The following TEKT4 variants were observed in gnomAD, a reference collection of about 807,000 sequenced individuals.
The protein encoded by TEKT4 is tektin-4.
TEKT4 carries 46 observed loss-of-function variants against 46.0 expected under a neutral mutation model. That is an observed-to-expected ratio of 1.00 (90% CI 0.79 to 1.28). The LOEUF is 1.28. TEKT4 is among the 50% of genes most tolerant of loss of function. TEKT4 has a pLI of 0.00. For synonymous variants in TEKT4, 325 were observed against 265.8 expected (o/e 1.22, Z -2.17); for missense variants, 790 against 622.9 (o/e 1.27, Z -2.85).
Position 94,876,800 on chromosome 2 carries a change from C to T in TEKT4, c.*31C>T. On this transcript the variant is annotated 3_prime_UTR_variant, in exon 6 of 6. Coordinates refer to ENST00000295201, the MANE Select transcript of TEKT4 (RefSeq NM_144705.4). ...GGCACGGTGCTTCCCCCCAGTCCCC[C>T]AAATAAACAGCGCGTTAGCTTTCTG... The T allele has an allele frequency of 6.3e-7, 1 of 1,586,218 alleles. No individual in the cohort carries two copies. The highest frequency in any genetic ancestry group is 8.6e-7 in the Non-Finnish European group (1 of 1,168,054).
intron 5 of TEKT4, 26 bp from the exon 6 acceptor site, chr2:94,876,527 G>A (rs112581378): frequency 2.3e-5 from 36 of 1,581,378 alleles, no homozygotes; most frequent in Non-Finnish European, 2.8e-5. Flanking sequence ...CCCTAGCCCC[G>A]GCTCACACCC....
chr2:94,874,243 C>A (rs1680719950), intron 3 of TEKT4, 135 bp downstream of exon 3: 2 of 953,854 alleles, frequency 2.1e-6, no homozygotes, highest in East Asian at 2.6e-5. Flanking sequence ...CAACTGTCTG[C>A]CCCTGGCATG....
At position 94,875,515 on chromosome 2, in the gene TEKT4, A is replaced by G. The variant is rs1364592776; in HGVS notation, c.937-73A>G. 5.0e-6 allele frequency: 8 copies of G among 1,591,822 alleles called. No homozygotes were observed. In the African/African-American group the frequency reaches 8.0e-5, roughly 16 times the overall value. On this transcript the variant is annotated intron_variant, in intron 4 of 5. Transcript: ENST00000295201. ...GACACAGCCCCAAGACCTGGGTAGG[A>G]CCAGCCTGGTCTCGGCGTTCTATAT...
chr2:94,874,199 G>C, intron 3 of TEKT4, 91 bp downstream of exon 3: 1 of 1,440,712 alleles, frequency 6.9e-7, no homozygotes. Flanking sequence ...TCACCAGCCT[G>C]GCCCGGAGGC....
rs1328573976 is a variant in TEKT4 at position 94,872,002 on chromosome 2, T to C, written c.423T>C (p.Thr141=). ...DATEVPFSIT[T]DNLQCRERRE... Reference sequence around the variant, plus strand: ...CAGAGGTGCCCTTCTCCATCACCACTGACAACCTGCAGTGCCGTGAGCGCC... The same window carrying C: ...CAGAGGTGCCCTTCTCCATCACCACCGACAACCTGCAGTGCCGTGAGCGCC... The change falls in exon 1 of 6, where the codon ACT becomes ACC. Residue 141 remains threonine (T), a synonymous_variant. Transcript: ENST00000295201. 5.0e-6 allele frequency: 8 copies of C among 1,597,196 alleles called. No individual in the cohort carries two copies. The highest frequency in any genetic ancestry group is 6.8e-6 in the Non-Finnish European group (8 of 1,173,386).
intron 3 of TEKT4, among the ~76,000 whole-genome samples, chr2:94,874,352 G>A (rs1439618199): frequency 1.3e-5 from 2 of 152,308 alleles, no homozygotes; most frequent in African/African-American, 4.8e-5. Flanking sequence ...GGCGCTGGCA[G>A]GATTGCGTTT....
chr2:94,872,806 C>T (rs781891363), intron 1 of TEKT4: 1 of 1,289,132 alleles, frequency 7.8e-7, no homozygotes, highest in South Asian at 1.2e-5. Context: ...CCCTTCTTTA[C>T]CCTTCTGCAG....
Position 94,871,569 on chromosome 2 carries a change from C to A in TEKT4, c.-11C>A. The stretch of plus-strand genomic sequence containing the variant: ...TCCTCACTCCCCTGGCCCTGGTGGG[C>A]GGCAGGCACCATGGCGCAGACAGTG... On this transcript the variant is annotated 5_prime_UTR_variant, in exon 1 of 6. Coordinates refer to ENST00000295201, the MANE Select transcript of TEKT4 (RefSeq NM_144705.4). The A allele has an allele frequency of 1.3e-6, 2 of 1,586,636 alleles. No individual in the cohort carries two copies. Among genetic ancestry groups the A allele is most frequent in the Non-Finnish European group, 1.7e-6 (2 of 1,166,872 alleles).
At chr2:94,872,903 G>A in intron 1 of TEKT4, 1 of 1,289,392 alleles carries the variant, frequency 7.8e-7, no homozygotes, top group Non-Finnish European at 1.0e-6. Flanking sequence ...CCTGCCAACT[G>A]ATGGAGACAC....
rs1344941270 is a variant in TEKT4, at chr2:94,876,760, C to T, written c.1299C>T (p.Gly433=). ...TRYPTILQLA[G]YQ is the part of the protein sequence containing the mutation. ...ACCCCACCATCCTGCAGCTGGCTGGCTACCAGTGAGCAGCGGCACGGTGCT... is the reference window on the plus strand; with the variant it reads ...ACCCCACCATCCTGCAGCTGGCTGGTTACCAGTGAGCAGCGGCACGGTGCT... The change falls in exon 6 of 6, where the codon GGC becomes GGT. Residue 433 remains glycine (G), a synonymous_variant. Coordinates refer to ENST00000295201, the MANE Select transcript of TEKT4 (RefSeq NM_144705.4). 3.7e-6 allele frequency: 6 copies of T among 1,606,656 alleles called. No homozygotes were observed. Among genetic ancestry groups the T allele is most frequent in the Non-Finnish European group, 5.1e-6 (6 of 1,179,844 alleles).
rs78520681 is a variant in TEKT4, at chr2:94,871,799, A to G, written c.220A>G (p.Thr74Ala). Residue 74 changes from threonine to alanine, a missense_variant, in exon 1 of 6, where the codon ACA (threonine) becomes GCA (alanine). Coordinates refer to ENST00000295201, the MANE Select transcript of TEKT4 (RefSeq NM_144705.4). ...RQRHESQQLA[T>A]ETQALAQRTQ... ...GCGGCACGAGAGCCAGCAGCTGGCCACAGAGACCCAGGCGCTGGCGCAGCG... is the reference window on the plus strand; with the variant it reads ...GCGGCACGAGAGCCAGCAGCTGGCCGCAGAGACCCAGGCGCTGGCGCAGCG... 2.5e-6 allele frequency: 4 copies of G among 1,610,604 alleles called. No individual in the cohort carries two copies. Among genetic ancestry groups the G allele is most frequent in the African/African-American group, 1.3e-5 (1 of 74,906 alleles).
intron 1 of TEKT4, 67 bp from the exon 2 acceptor site, chr2:94,873,453 A>T: frequency 6.2e-7 from 1 of 1,609,842 alleles, no homozygotes; most frequent in Non-Finnish European, 8.5e-7. Context: ...CAAGGCCTGC[A>T]GCAGCTGGGC....
At chr2:94,875,772 G>T (rs1425664294) in intron 5 of TEKT4, 30 bp downstream of exon 5, 8 of 1,606,342 alleles carry the variant, frequency 5.0e-6, no homozygotes, top group African/African-American at 1.3e-5. Flanking sequence ...GGCAGTCCCA[G>T]GTGGCCCTGT....
At chr2:94,873,005 C>A (rs781955098) in intron 1 of TEKT4, 6 of 1,289,316 alleles carry the variant, frequency 4.7e-6, no homozygotes, top group East Asian at 5.5e-5. Context: ...GAGGCAAAGA[C>A]CCCAATCACA....
At chr2:94,875,331 A>G (rs1680794397) in intron 4 of TEKT4, among the ~76,000 whole-genome samples, 1 of 152,104 alleles carries the variant, frequency 6.6e-6, no homozygotes, top group Non-Finnish European at 1.5e-5. Flanking sequence ...CCAGTCCTTG[A>G]GCAGGATTCA....
intron 1 of TEKT4, chr2:94,872,395 T>C (rs1444772282): frequency 2.2e-6 from 1 of 453,478 alleles, no homozygotes; most frequent in African/African-American, 2.0e-5. Context: ...GCTGGGACAG[T>C]TGCTCCCAAG....
intron 1 of TEKT4, chr2:94,873,262 G>A: frequency 7.4e-7 from 1 of 1,350,836 alleles, no homozygotes; most frequent in Non-Finnish European, 9.5e-7. Context: ...CCTGGGGCGT[G>A]GGAACTGCCG....
chr2:94,874,214 G>A (rs1335684302), intron 3 of TEKT4, 106 bp downstream of exon 3: 16 of 1,261,100 alleles, frequency 1.3e-5, no homozygotes, highest in Admixed American at 4.5e-5. Context: ...GGAGGCCCTC[G>A]CCCCCGAGGG....
chr2:94,872,239 G>A (rs1247842157), intron 1 of TEKT4, 162 bp downstream of exon 1: 5 of 927,576 alleles, frequency 5.4e-6, no homozygotes, highest in South Asian at 3.5e-5. Flanking sequence ...CTTAGTGACA[G>A]GAGGCAGCTT....
Sources: allele counts gnomAD v4.1 joint callset (sites outside exome capture counted in the v4.1 genomes callset), GRCh38; gene constraint gnomAD v4.1.1; transcripts MANE v1.5; gene names NCBI Gene and HGNC (gene_info 2026-07-23, HGNC 2026-07-21).